Variants in RPH3A observed in about 807,000 individuals in gnomAD.
RPH3A encodes rabphilin-3A.
RPH3A carries 48 observed loss-of-function variants against 102.2 expected under a neutral mutation model. The observed-to-expected ratio is 0.47, with a 90% CI of 0.37 to 0.60. The LOEUF is 0.60. RPH3A is among the 20% of genes least tolerant of loss of function. The pLI is 0.00. For synonymous variants in RPH3A, 310 were observed against 324.3 expected (o/e 0.96, Z 0.47); for missense variants, 781 against 910.1 (o/e 0.86, Z 1.83).
chr12:112,607,100 A>G (rs1667474191), intron 1 of RPH3A, among the ~76,000 whole-genome samples: 1 of 152,208 alleles, frequency 6.6e-6, no homozygotes, highest in African/African-American at 2.4e-5. Context: ...AAGGCACCAC[A>G]CACTGCTACT....
chr12:112,643,089 G>T (rs892840977), intron 1 of RPH3A, among the ~76,000 whole-genome samples: 1 of 152,200 alleles, frequency 6.6e-6, no homozygotes, highest in Admixed American at 6.5e-5. Context: ...GGCAAGAGAG[G>T]TTTGGTAACT....
rs963814125 is a variant in RPH3A, at chr12:112,740,095, T to G, written c.-139-52048T>G. The stretch of plus-strand genomic sequence containing the variant: ...CGTAAATACTTGAAACAGTTTCGGA[T>G]TTCTTGATTTGATTTTGACCGAGAC... On this transcript the variant is annotated intron_variant, in intron 1 of 21. Transcript: ENST00000543106. Among the ~76,000 whole-genome samples, 3 of 152,190 alleles carry G rather than the reference T, an allele frequency of 2.0e-5. No individual in the cohort carries two copies. The South Asian group carries it at 6.2e-4, about 32-fold the overall frequency.
At position 112,579,613 on chromosome 12, in the gene RPH3A, T is replaced by C. The variant is rs576014144; in HGVS notation, c.-140+4294T>C. On this transcript the variant is annotated intron_variant, in intron 1 of 21. Coordinates refer to the RPH3A transcript ENST00000543106. ...ATTGCATCAAAGTCATACAAGTATA[T>C]AGTTTAAAAGTCAGATTATAACATA... Among the ~76,000 whole-genome samples, 318 of 152,366 alleles carry C rather than the reference T, an allele frequency of 2.1e-3. 3 individuals are homozygous for C. The highest frequency in any genetic ancestry group is 0.015 in the South Asian group (72 of 4,830).
chr12:112,807,320 A>G (rs1009583853), intron 2 of RPH3A, among the ~76,000 whole-genome samples: 26 of 151,728 alleles, frequency 1.7e-4, no homozygotes, highest in African/African-American at 6.3e-4. Context: ...TCCACCCTCC[A>G]CTCCTCTTCA....
At chr12:112,593,107 T>G (rs764847635) in intron 1 of RPH3A, among the ~76,000 whole-genome samples, 2 of 152,142 alleles carry the variant, frequency 1.3e-5, no homozygotes, top group Admixed American at 1.3e-4. Flanking sequence ...CCCTTATGAA[T>G]GGGATTAGTG....
At position 112,735,266 on chromosome 12, in the gene RPH3A, G is replaced by A. The variant is rs183452125; in HGVS notation, c.-139-56877G>A. 5.3e-3 allele frequency among the ~76,000 whole-genome samples: 802 copies of A among 152,342 alleles called. 7 individuals are homozygous for A. Among genetic ancestry groups the A allele is most frequent in the South Asian group, 0.029 (138 of 4,828 alleles). On this transcript the variant is annotated intron_variant, in intron 1 of 21. Coordinates refer to the RPH3A transcript ENST00000543106. ...GATTCACTGGGAGGTTAAACTCTGGGAAGCTGTAAGGCTTGTAAATTCCAC... is the reference window on the plus strand; with the variant it reads ...GATTCACTGGGAGGTTAAACTCTGGAAAGCTGTAAGGCTTGTAAATTCCAC...
chr12:112,801,962 T>A (rs2041363196), intron 2 of RPH3A, among the ~76,000 whole-genome samples: 1 of 152,226 alleles, frequency 6.6e-6, no homozygotes, highest in Non-Finnish European at 1.5e-5. Flanking sequence ...TGGCATCTAA[T>A]CTTTTGCTTC....
intron 1 of RPH3A, among the ~76,000 whole-genome samples, chr12:112,724,515 G>A (rs1345193576): frequency 6.6e-6 from 1 of 152,176 alleles, no homozygotes; most frequent in Non-Finnish European, 1.5e-5. Flanking sequence ...AGAGTCAACT[G>A]TATATATACT....
At chr12:112,576,558 G>T (rs1365212717) in intron 1 of RPH3A, among the ~76,000 whole-genome samples, 2 of 152,174 alleles carry the variant, frequency 1.3e-5, no homozygotes. Context: ...GTTTTGCCAT[G>T]ATGGCCAGGC....
In RPH3A at chr12:112,804,515, G is replaced by T. The variant is rs574272221; in HGVS notation, c.-19+12252G>T. Among the ~76,000 whole-genome samples, 18 of 152,336 alleles carry T rather than the reference G, an allele frequency of 1.2e-4. No homozygotes were observed. The South Asian group carries it at 3.5e-3, about 30-fold the overall frequency. ...TCTCTGTTCTTTAGCCCCATCCATTGGTTGGTTGAAGCCTGGGATGTATGT... is the reference window on the plus strand; with the variant it reads ...TCTCTGTTCTTTAGCCCCATCCATTTGTTGGTTGAAGCCTGGGATGTATGT... On this transcript the variant is annotated intron_variant, in intron 2 of 21. Transcript: ENST00000389385.
At chr12:112,729,107 C>T (rs1342939849) in intron 1 of RPH3A, among the ~76,000 whole-genome samples, 2 of 151,380 alleles carry the variant, frequency 1.3e-5, no homozygotes, top group Non-Finnish European at 2.9e-5. Flanking sequence ...AATTTTGGTT[C>T]TAACCAGTCT....
intron 1 of RPH3A, among the ~76,000 whole-genome samples, chr12:112,605,594 C>T (rs1013757856): frequency 6.6e-6 from 1 of 152,182 alleles, no homozygotes; most frequent in African/African-American, 2.4e-5. Flanking sequence ...GAATGGAGCA[C>T]TCTTTGCCCT....
rs138133313 is a variant in RPH3A at position 112,809,019 on chromosome 12, G to A, written c.-19+16756G>A. On this transcript the variant is annotated intron_variant, in intron 2 of 21. Coordinates refer to ENST00000389385, the MANE Select transcript of RPH3A (RefSeq NM_001143854.2). ...GTTTGGATGGGGTCCTTGCATTGAC[G>A]TTTTAACCCTGCCTCCAAGGTGATC... Among the ~76,000 whole-genome samples the A allele has an allele frequency of 2.7e-3, 407 of 152,240 alleles. 4 individuals are homozygous for A. The highest frequency in any genetic ancestry group is 8.9e-3 in the African/African-American group (368 of 41,536).
chr12:112,855,748 A>T (rs572300789), intron 5 of RPH3A, among the ~76,000 whole-genome samples: 1 of 152,318 alleles, frequency 6.6e-6, no homozygotes, highest in Non-Finnish European at 1.5e-5. Flanking sequence ...CCCCATTCCC[A>T]GCAGATGGCC....
intron 17 of RPH3A, among the ~76,000 whole-genome samples, chr12:112,889,671 C>T (rs1181819456): frequency 1.3e-5 from 2 of 152,214 alleles, no homozygotes; most frequent in Admixed American, 1.3e-4. Context: ...TGAGCCACTT[C>T]AACCAGAGAA....
intron 10 of RPH3A, chr12:112,873,807 G>A (rs912802103): frequency 1.3e-5 from 2 of 152,262 alleles, no homozygotes; most frequent in Admixed American, 1.3e-4. Context: ...CTCAATGACT[G>A]TTGGGTATTG....
At chr12:112,875,773 A>G (rs1336283075) in intron 12 of RPH3A, 32 bp downstream of exon 12, 2 of 1,603,460 alleles carry the variant, frequency 1.2e-6, no homozygotes, top group African/African-American at 1.3e-5. Context: ...TGCCTGCCCA[A>G]GTGGCCACCT....
chr12:112,889,968 G>T (rs751724525), intron 17 of RPH3A, 56 bp from the exon 18 acceptor site: 2 of 1,526,772 alleles, frequency 1.3e-6, no homozygotes, highest in East Asian at 2.3e-5. Context: ...TCCTTCTTGC[G>T]CAGGAAGATG....
In RPH3A at chr12:112,649,762, C is replaced by T. The variant is rs555369736; in HGVS notation, c.-140+74443C>T. On this transcript the variant is annotated intron_variant, in intron 1 of 21. Transcript: ENST00000543106. ...TTAAACAATGGCAATTTATTTCTCA[C>T]AGTTCTGGAGGCTGAAAGTCCAAGA... Among the ~76,000 whole-genome samples the T allele has an allele frequency of 1.7e-3, 257 of 152,326 alleles. 3 individuals are homozygous for T. The highest frequency in any genetic ancestry group is 2.1e-3 in the Non-Finnish European group (145 of 68,030).
Sources: allele counts gnomAD v4.1 joint callset (sites outside exome capture counted in the v4.1 genomes callset), GRCh38; gene constraint gnomAD v4.1.1; transcripts MANE v1.5; gene names NCBI Gene and HGNC (gene_info 2026-07-23, HGNC 2026-07-21).